The following HTR2C variants were observed in gnomAD, a reference collection of about 807,000 sequenced individuals.
HTR2C encodes the protein 5-hydroxytryptamine receptor 2C, also known as 5-hydroxytryptamine (serotonin) receptor 2C, G protein-coupled.
Under a neutral mutation model 21.0 loss-of-function variants are expected in HTR2C, and 5 were observed. The observed-to-expected ratio is 0.24, with a 90% CI of 0.12 to 0.50. HTR2C has a LOEUF of 0.50. Ranked by LOEUF, HTR2C falls within the 20% of genes least tolerant of loss-of-function variation. The pLI is 0.98. For synonymous variants in HTR2C, 150 were observed against 145.3 expected (o/e 1.03, Z -0.23); for missense variants, 271 against 371.2 (o/e 0.73, Z 2.22).
chrX:114,655,299 C>A (rs1930740874), intron 2 of HTR2C, among the ~76,000 whole-genome samples: 1 of 111,090 alleles, frequency 9.0e-6, no homozygotes, highest in South Asian at 3.7e-4. Context: ...GGGATCAGAC[C>A]AAGTTACCAT....
At chrX:114,836,700 C>A (rs944081145) in intron 4 of HTR2C, among the ~76,000 whole-genome samples, 4 of 112,369 alleles carry the variant, frequency 3.6e-5, no homozygotes, top group Non-Finnish European at 5.6e-5. Context: ...TAGACCAGAG[C>A]TGTTCCTATT....
chrX:114,852,322 G>C (rs2070924955), intron 5 of HTR2C, among the ~76,000 whole-genome samples: 2 of 109,106 alleles, frequency 1.8e-5, no homozygotes, highest in Non-Finnish European at 3.8e-5. Flanking sequence ...GTCAAAACTA[G>C]GCAAATAAAA....
chrX:114,662,232 G>T (rs1556410297), intron 2 of HTR2C, among the ~76,000 whole-genome samples: 1 of 111,150 alleles, frequency 9.0e-6, no homozygotes, highest in East Asian at 2.8e-4. Context: ...CAGGTATAGG[G>T]TTACTGAATA....
chrX:114,625,783 G>A (rs1556402701), intron 2 of HTR2C, among the ~76,000 whole-genome samples: 1 of 111,410 alleles, frequency 9.0e-6, no homozygotes, highest in Non-Finnish European at 1.9e-5. Context: ...CTCAAAGTGT[G>A]TGTTGGAGTA....
intron 5 of HTR2C, among the ~76,000 whole-genome samples, chrX:114,859,086 C>T (rs2070986417): frequency 9.2e-6 from 1 of 109,036 alleles, no homozygotes. Flanking sequence ...TGTTTTAATC[C>T]ATTCCAATGA....
chrX:114,874,701 G>C (rs1450658397), intron 5 of HTR2C, among the ~76,000 whole-genome samples: 2 of 110,741 alleles, frequency 1.8e-5, no homozygotes, highest in Non-Finnish European at 3.8e-5. Flanking sequence ...TAGAGACAGA[G>C]TTTCAACATG....
At chrX:114,667,894 G>C (rs1282522903) in intron 2 of HTR2C, among the ~76,000 whole-genome samples, 2 of 111,710 alleles carry the variant, frequency 1.8e-5, no homozygotes, top group African/African-American at 3.3e-5. Flanking sequence ...GAAATCTACA[G>C]ACTCATTTAA....
At chrX:114,692,984 A>G (rs980072088) in intron 2 of HTR2C, among the ~76,000 whole-genome samples, 1 of 111,693 alleles carries the variant, frequency 9.0e-6, no homozygotes, top group African/African-American at 3.2e-5. Flanking sequence ...ACCACGTGAA[A>G]CAGCTGAAAG....
intron 4 of HTR2C, among the ~76,000 whole-genome samples, chrX:114,800,864 TCA>T (rs1286931483): frequency 1.8e-5 from 2 of 111,418 alleles, no homozygotes; most frequent in Non-Finnish European, 3.8e-5. Flanking sequence ...AGCTGTCTTC[TCA>T]CAGAAGCAAC....
At chrX:114,745,257 G>C (rs782435082) in intron 4 of HTR2C, among the ~76,000 whole-genome samples, 1 of 112,035 alleles carries the variant, frequency 8.9e-6, no homozygotes. Context: ...CTACAATCTC[G>C]CCCCAGTTAA....
At chrX:114,743,997 C>T (rs1339126551) in intron 4 of HTR2C, among the ~76,000 whole-genome samples, 1 of 111,426 alleles carries the variant, frequency 9.0e-6, no homozygotes, top group Non-Finnish European at 1.9e-5. Context: ...GCAGAAAGAA[C>T]AGCAGTGATT....
intron 4 of HTR2C, chrX:114,774,973 A>C (rs782621764): frequency 4.0e-6 from 2 of 506,004 alleles, no homozygotes; most frequent in East Asian, 7.0e-5. Flanking sequence ...GACTTTCTCC[A>C]GCTCTGTCTG....
At chrX:114,864,953 C>T (rs185162632) in intron 5 of HTR2C, among the ~76,000 whole-genome samples, 3 of 103,162 alleles carry the variant, frequency 2.9e-5, no homozygotes, top group African/African-American at 1.1e-4. Context: ...ATTCTCTCCT[C>T]GCCTGTAAGG....
intron 4 of HTR2C, chrX:114,776,708 T>C (rs781836224): frequency 4.6e-5 from 21 of 453,500 alleles, no homozygotes; most frequent in Non-Finnish European, 7.1e-5. Context: ...TACTTTTCCA[T>C]GCTGGAAAAC....
intron 4 of HTR2C, among the ~76,000 whole-genome samples, chrX:114,788,482 G>A (rs782588589): frequency 3.6e-5 from 4 of 109,912 alleles, no homozygotes; most frequent in Non-Finnish European, 7.6e-5. Flanking sequence ...GGCTGGTCTC[G>A]AACTCCTGAC....
chrX:114,601,952 G>A (rs374876524), intron 1 of HTR2C, among the ~76,000 whole-genome samples: 21 of 94,551 alleles, frequency 2.2e-4, no homozygotes, highest in South Asian at 1.1e-3. Context: ...AACATTTGTC[G>A]TATAGAATGA....
intron 2 of HTR2C, among the ~76,000 whole-genome samples, chrX:114,718,332 T>A (rs1933056994): frequency 8.9e-6 from 1 of 112,545 alleles, no homozygotes; most frequent in South Asian, 3.6e-4. Flanking sequence ...ATTCTGATAG[T>A]TTGCAATTTA....
chrX:114,602,539 G>A (rs1472779371), intron 1 of HTR2C, among the ~76,000 whole-genome samples: 5 of 75,612 alleles, frequency 6.6e-5, no homozygotes, highest in African/African-American at 2.6e-4. Flanking sequence ...TCTTGAAGAC[G>A]GAGGACCATA....
intron 4 of HTR2C, among the ~76,000 whole-genome samples, chrX:114,805,406 C>CTTTT (rs66522335): frequency 3.6e-5 from 3 of 84,236 alleles, no homozygotes; most frequent in South Asian, 6.7e-4. Context: ...GTCTCCACCC[C>CTTTT]TTTTTTTTTT....
Sources: allele counts gnomAD v4.1 joint callset (sites outside exome capture counted in the v4.1 genomes callset), GRCh38; gene constraint gnomAD v4.1.1; transcripts MANE v1.5; gene names NCBI Gene and HGNC (gene_info 2026-07-23, HGNC 2026-07-21).